FBXW11: variants seen among roughly 807,000 people sequenced by gnomAD.
FBXW11 encodes the protein F-box/WD repeat-containing protein 11.
Under a neutral mutation model 77.6 loss-of-function variants are expected in FBXW11, and 19 were observed. The ratio of observed to expected loss-of-function variants is 0.24; its 90% CI spans 0.17 to 0.36. The LOEUF (loss-of-function observed/expected upper bound fraction) is 0.36, where lower values mean the gene tolerates loss of function less well. FBXW11 is among the 10% of genes least tolerant of loss of function. FBXW11 has a pLI of 1.00. For missense variants in FBXW11, 334 were observed against 704.2 expected (o/e 0.47, Z 5.95); for synonymous variants, 235 against 249.4 (o/e 0.94, Z 0.54).
intron 2 of FBXW11, among the ~76,000 whole-genome samples, chr5:171,915,593 T>C (rs1761171317): frequency 8.1e-6 from 1 of 122,960 alleles, no homozygotes; most frequent in Non-Finnish European, 1.8e-5. Flanking sequence ...GAAGTTGGAT[T>C]CCTGATTTGG....
chr5:171,957,338 A>T (rs1763666030), intron 2 of FBXW11, among the ~76,000 whole-genome samples: 1 of 152,208 alleles, frequency 6.6e-6, no homozygotes, highest in Non-Finnish European at 1.5e-5. Context: ...CATGAGAATT[A>T]CAACCTCAAG....
intron 1 of FBXW11, among the ~76,000 whole-genome samples, chr5:171,993,443 T>C (rs995709642): frequency 5.3e-5 from 8 of 151,790 alleles, no homozygotes; most frequent in Non-Finnish European, 1.0e-4. Flanking sequence ...TAAAACCCCC[T>C]CTCTACTAAA....
rs546056305 is a variant in FBXW11 at position 171,982,966 on chromosome 5, C to A, written c.45+23492G>T. Among the ~76,000 whole-genome samples the A allele has an allele frequency of 5.9e-5, 9 of 152,228 alleles. No homozygotes were observed. The East Asian group carries it at 1.7e-3, about 29-fold the overall frequency. ...CCTGTAATCCCACCACTTTGGGAGG[C>A]CAAGGCAGGTGGATCAGTTGAGCCC... On this transcript the variant is annotated intron_variant, in intron 1 of 13. Transcript: ENST00000517395.
intron 1 of FBXW11, among the ~76,000 whole-genome samples, chr5:171,960,739 G>C (rs566455810): frequency 1.3e-5 from 2 of 152,126 alleles, no homozygotes; most frequent in East Asian, 1.9e-4. Context: ...ATATTATCAA[G>C]GCTTTTTAAC....
At chr5:171,937,880 T>C (rs1762559390) in intron 2 of FBXW11, among the ~76,000 whole-genome samples, 1 of 151,120 alleles carries the variant, frequency 6.6e-6, no homozygotes, top group Admixed American at 6.6e-5. Flanking sequence ...ATAAAAATTT[T>C]AAACTTTTGC....
chr5:171,878,743 C>A (rs1758304532), intron 7 of FBXW11, among the ~76,000 whole-genome samples: 1 of 151,948 alleles, frequency 6.6e-6, no homozygotes, highest in Non-Finnish European at 1.5e-5. Context: ...GAGCCATAAT[C>A]ACACCACTGT....
At chr5:171,975,895 G>A (rs1286691055) in intron 1 of FBXW11, among the ~76,000 whole-genome samples, 3 of 152,208 alleles carry the variant, frequency 2.0e-5, no homozygotes, top group East Asian at 1.9e-4. Flanking sequence ...TATATGGGGG[G>A]AGGAATTCTG....
intron 4 of FBXW11, among the ~76,000 whole-genome samples, chr5:171,909,176 A>T (rs1355063544): frequency 3.9e-5 from 6 of 152,186 alleles, no homozygotes; most frequent in African/African-American, 1.4e-4. Flanking sequence ...AGTTCAGCAC[A>T]GTGGTGCATG....
At position 171,891,484 on chromosome 5, in the gene FBXW11, G is replaced by A. The variant is rs1449758063; in HGVS notation, c.835C>T (p.Arg279Ter). 3.1e-6 allele frequency: 5 copies of A among 1,593,442 alleles called. No homozygotes were observed. The highest frequency in any genetic ancestry group is 4.3e-6 in the Non-Finnish European group (5 of 1,171,546). The change falls in exon 7 of 14, where the codon CGA becomes TGA. Residue 279 changes from arginine to a stop codon, truncating the protein, a stop_gained. Transcript: ENST00000517395. LOFTEE classifies it high-confidence loss of function. Reference protein sequence around the residue: ...YDDEKIISGLRDNSIKIWDKT... With the variant: ...YDDEKIISGL ...TCATTCACCTTAATAGAATTATCTC[G>A]TAGGCCACTGATAATTTTTTCATCA...
At chr5:171,969,248 A>G (rs1764391895) in intron 1 of FBXW11, among the ~76,000 whole-genome samples, 1 of 152,222 alleles carries the variant, frequency 6.6e-6, no homozygotes, top group South Asian at 2.1e-4. Context: ...AGCCTGGGCA[A>G]CATAGCGAGA....
chr5:172,000,695 T>C (rs1349610702), intron 1 of FBXW11, among the ~76,000 whole-genome samples: 1 of 152,236 alleles, frequency 6.6e-6, no homozygotes, highest in African/African-American at 2.4e-5. Flanking sequence ...TGCAAAGTCC[T>C]TTCACACACA....
intron 1 of FBXW11, among the ~76,000 whole-genome samples, chr5:171,968,257 C>A (rs1269445241): frequency 6.6e-6 from 1 of 151,866 alleles, no homozygotes; most frequent in South Asian, 2.1e-4. Context: ...GAGATCGAGA[C>A]CATCCCGGCT....
intron 3 of FBXW11, among the ~76,000 whole-genome samples, chr5:171,913,810 CACACACATA>C (rs1761039599): frequency 2.3e-5 from 3 of 133,324 alleles, no homozygotes; most frequent in Non-Finnish European, 5.0e-5. Flanking sequence ...CCCCCAACCA[CACACACATA>C]CACACACACA....
intron 2 of FBXW11, among the ~76,000 whole-genome samples, chr5:171,953,319 T>G (rs1023994153): frequency 1.3e-5 from 2 of 152,174 alleles, no homozygotes; most frequent in Non-Finnish European, 1.5e-5. Context: ...TTAGTGTCTA[T>G]AAAATACTAC....
At chr5:171,880,496 T>A (rs150644289) in intron 7 of FBXW11, among the ~76,000 whole-genome samples, 1 of 152,216 alleles carries the variant, frequency 6.6e-6, no homozygotes, top group Non-Finnish European at 1.5e-5. Context: ...TGAGACTGCA[T>A]TGAACCTACA....
At chr5:171,935,245 C>T (rs1041897211) in intron 2 of FBXW11, among the ~76,000 whole-genome samples, 8 of 152,186 alleles carry the variant, frequency 5.3e-5, no homozygotes, top group African/African-American at 1.4e-4. Context: ...GCGTGAGCCA[C>T]CGCGCCCAGC....
At chr5:171,914,304 A>G (rs756687624) in intron 3 of FBXW11, 39 bp downstream of exon 3, 6 of 1,539,564 alleles carry the variant, frequency 3.9e-6, no homozygotes. Context: ...TATCTACAGT[A>G]AGTCAGTTGC....
intron 1 of FBXW11, among the ~76,000 whole-genome samples, chr5:172,002,002 G>A (rs140937814): frequency 3.3e-5 from 5 of 152,308 alleles, no homozygotes; most frequent in African/African-American, 4.8e-5. Flanking sequence ...AAAGCCATAA[G>A]GGAGAATGGA....
rs1757185503 is a variant in FBXW11, at chr5:171,863,108, A to G, written c.*1019T>C. On this transcript the variant is annotated 3_prime_UTR_variant, in exon 14 of 14. Transcript: ENST00000517395. ...ATAAAACATTTTGGTGTTAAACCTT[A>G]GAAATTACATTTTAAAACAAGATTC... is the stretch of plus-strand genomic sequence containing the variant. 1 of 152,676 alleles carries G rather than the reference A, an allele frequency of 6.5e-6. No individual in the cohort carries two copies. The highest frequency in any genetic ancestry group is 1.5e-5 in the Non-Finnish European group (1 of 68,042). The allele number at this position is 152,676 out of a possible 1,614,324, so 9.5% of individuals were successfully genotyped here. A position where few individuals can be genotyped will look rare whatever the true frequency, so the allele number is the denominator to read the frequency against.
Sources: gnomAD v4.1 joint callset for allele counts (sites outside exome capture counted in the v4.1 genomes callset) on GRCh38, gnomAD v4.1.1 for gene constraint, MANE v1.5 for transcripts, NCBI Gene and HGNC (gene_info 2026-07-23, HGNC 2026-07-21) for gene names.